RTEL1: variants seen among roughly 807,000 people sequenced by gnomAD.
RTEL1 encodes regulator of telomere length.
RTEL1 carries 86 observed loss-of-function variants against 162.2 expected under a neutral mutation model. That is an observed-to-expected ratio of 0.53 (90% confidence interval 0.45 to 0.63). RTEL1 has a LOEUF of 0.63. Among genes scored for constraint, RTEL1 ranks in the 30% least tolerant of loss-of-function variants. The pLI is 0.00. For missense variants in RTEL1, 1,941 were observed against 1,750.2 expected (o/e 1.11, Z -1.95); for synonymous variants, 958 against 717.9 (o/e 1.33, Z -5.35).
chr20:63,695,528 C>T lies in RTEL1; in HGVS notation c.3700C>T (p.Pro1234Ser), dbSNP rs1207345139. 4.3e-6 allele frequency: 7 copies of T among 1,612,278 alleles called. No homozygotes were observed. Among genetic ancestry groups the T allele is most frequent in the Non-Finnish European group, 5.9e-6 (7 of 1,179,818 alleles). Residue 1234 changes from proline (P) to serine (S), a missense_variant, in exon 34 of 35, where the codon CCG (proline) becomes TCG (serine). Pro to Ser is a moderately conservative substitution (Grantham distance 74). Transcript: ENST00000360203. ...CGCTGGGCAGCAGGCCACGGGAGCT[C>T]CGGGCGGGCCCCTCTCAGCAGGCTG... ...DIAGQQATGA[P>S]GGPLSAGCVC...
intron 8 of RTEL1, among the ~76,000 whole-genome samples, chr20:63,670,579 G>A (rs2146186564): frequency 6.6e-6 from 1 of 152,358 alleles, no homozygotes; most frequent in South Asian, 2.1e-4. Context: ...AGCCCTGAGT[G>A]TGGCATGAGG....
intron 28 of RTEL1, 124 bp from the exon 29 acceptor site, chr20:63,692,681 G>T: frequency 1.1e-6 from 1 of 938,130 alleles, no homozygotes; most frequent in South Asian, 1.6e-5. Flanking sequence ...AGTTTCTCAG[G>T]CAGCAGCCCC....
chr20:63,695,820 C>A lies in RTEL1; in HGVS notation c.3865C>A (p.Gln1289Lys). ...AGCCTGCCACACCGCCTCCAGGAAG[C>A]AGAGCGTCATGCAGGTCTTCTGGCC... is the stretch of plus-strand genomic sequence containing the variant. Reference protein sequence around the residue: ...CPACHTASRKQSVMQVFWPEP... With the variant: ...CPACHTASRKKSVMQVFWPEP... Residue 1289 changes from glutamine (Q) to lysine (K), a missense_variant, in exon 35 of 35, where the codon CAG (glutamine) becomes AAG (lysine). Coordinates refer to ENST00000360203, the MANE Select transcript of RTEL1 (RefSeq NM_001283009.2). 1 of 1,600,528 alleles carries A rather than the reference C, an allele frequency of 6.2e-7. No homozygotes were observed. The highest frequency in any genetic ancestry group is 8.5e-7 in the Non-Finnish European group (1 of 1,174,984).
intron 9 of RTEL1, among the ~76,000 whole-genome samples, chr20:63,672,898 G>T (rs1457470949): frequency 6.6e-6 from 1 of 152,210 alleles, no homozygotes; most frequent in Admixed American, 6.5e-5. Context: ...GCCAGCTCGG[G>T]GTCAGCCTGG....
intron 7 of RTEL1, among the ~76,000 whole-genome samples, chr20:63,666,537 C>T (rs2090131707): frequency 6.6e-6 from 1 of 152,180 alleles, no homozygotes; most frequent in African/African-American, 2.4e-5. Flanking sequence ...GGGGAAACCT[C>T]CCTCCCCCTT....
At position 63,695,114 on chromosome 20, in the gene RTEL1, C is replaced by G. The variant is rs372852392; in HGVS notation, c.3392C>G (p.Thr1131Arg). 8 of 1,612,402 alleles carry G rather than the reference C, an allele frequency of 5.0e-6. No individual in the cohort carries two copies. Among genetic ancestry groups the G allele is most frequent in the Non-Finnish European group, 6.8e-6 (8 of 1,179,870 alleles). The change falls in exon 33 of 35, where the codon ACG becomes AGG. Residue 1131 changes from threonine (T) to arginine (R), a missense_variant. By Grantham distance (71) the Thr-to-Arg change is moderately conservative. Coordinates refer to ENST00000360203, the MANE Select transcript of RTEL1 (RefSeq NM_001283009.2). ...CACCACAAGCAGCGCTTCTCACAGA[C>G]GTGCACAGACCTGACCGGCCGGCCC... Reference protein sequence around the residue: ...RPHHKQRFSQTCTDLTGRPYP... With the variant: ...RPHHKQRFSQRCTDLTGRPYP...
chr20:63,695,955 C>T lies in RTEL1; in HGVS notation c.*97C>T, dbSNP rs2090969924. On this transcript the variant is annotated 3_prime_UTR_variant, in exon 35 of 35. Coordinates refer to ENST00000360203, the MANE Select transcript of RTEL1 (RefSeq NM_001283009.2). ...ACCCACCCAACAGAATAGGCCAGCCCATGCCAGCCGGCTTGGCCCGCTGCA... is the reference window on the plus strand; with the variant it reads ...ACCCACCCAACAGAATAGGCCAGCCTATGCCAGCCGGCTTGGCCCGCTGCA... 3.1e-6 allele frequency: 4 copies of T among 1,272,046 alleles called. No homozygotes were observed. The highest frequency in any genetic ancestry group is 2.5e-5 in the East Asian group (1 of 39,340). The allele number at this position is 1,272,046 out of a possible 1,614,324, so 78.8% of individuals were successfully genotyped here. A position where few individuals can be genotyped will look rare whatever the true frequency, so the allele number is the denominator to read the frequency against.
intron 10 of RTEL1, among the ~76,000 whole-genome samples, chr20:63,675,523 T>C (rs1394209823): frequency 6.6e-6 from 1 of 152,038 alleles, no homozygotes; most frequent in Non-Finnish European, 1.5e-5. Flanking sequence ...TATATATACA[T>C]ATATTTAAGT....
At chr20:63,662,954 A>C in intron 6 of RTEL1, 65 bp downstream of exon 6, 6 of 1,496,584 alleles carry the variant, frequency 4.0e-6, no homozygotes, top group Non-Finnish European at 5.6e-6. Context: ...GGTGGAGCTC[A>C]GTGGTGTCAC....
intron 1 of RTEL1, 173 bp downstream of exon 1, chr20:63,658,639 G>C (rs1190800626): frequency 6.6e-6 from 1 of 152,338 alleles, no homozygotes; most frequent in Non-Finnish European, 1.5e-5. Context: ...CGTGGCGCTG[G>C]CGCCGCGGCG....
At chr20:63,666,300 G>A (rs2090125869) in intron 7 of RTEL1, among the ~76,000 whole-genome samples, 1 of 152,260 alleles carries the variant, frequency 6.6e-6, no homozygotes, top group South Asian at 2.1e-4. Context: ...TGGCCACCGT[G>A]GAGTGTGGAC....
At chr20:63,694,581 C>T in intron 31 of RTEL1, 93 bp downstream of exon 31, 1 of 1,261,450 alleles carries the variant, frequency 7.9e-7, no homozygotes, top group East Asian at 2.4e-5. Flanking sequence ...GGGGCTGCCC[C>T]TGTGGGGAGC....
chr20:63,675,081 A>G (rs560015884), intron 10 of RTEL1, among the ~76,000 whole-genome samples: 1 of 152,108 alleles, frequency 6.6e-6, no homozygotes, highest in East Asian at 1.9e-4. Context: ...CTAATTTTGT[A>G]TTTTTAGTAG....
In RTEL1 at chr20:63,685,599, T is replaced by G. The variant is rs1444392809; in HGVS notation, c.1266+2T>G. The G allele has an allele frequency of 1.2e-6, 2 of 1,610,228 alleles. No homozygotes were observed. Among genetic ancestry groups the G allele is most frequent in the Admixed American group, 3.4e-5 (2 of 59,618 alleles). ...CTGGGGGCCTTACAGTCCTATAAGG[T>G]AGGGGCCACCTCCAGGAGGCAGGTG... On this transcript the variant is annotated splice_donor_variant, in intron 15 of 34. Transcript: ENST00000360203. LOFTEE classifies it high-confidence loss of function.
intron 28 of RTEL1, chr20:63,692,419 C>T: frequency 3.2e-6 from 1 of 316,940 alleles, no homozygotes; most frequent in South Asian, 3.3e-5. Context: ...GAGATGGGCA[C>T]TGCTCATCCG....
Position 63,692,926 on chromosome 20 carries a change from C to T in RTEL1, c.2774C>T (p.Ser925Phe), listed in dbSNP as rs770018942. Residue 925 changes from serine to phenylalanine, a missense_variant, in exon 29 of 35, where the codon TCC becomes TTC. Transcript: ENST00000360203. The part of the protein sequence containing the change: ...FTQALQDYKG[S>F]DDFAALAACL... ...CAGGCCCTGCAGGACTACAAGGGTTCCGATGACTTCGCCGCCCTGGCCGCC... is the reference window on the plus strand; with the variant it reads ...CAGGCCCTGCAGGACTACAAGGGTTTCGATGACTTCGCCGCCCTGGCCGCC... The T allele has an allele frequency of 1.9e-6, 3 of 1,612,560 alleles. No homozygotes were observed. In the African/African-American group the frequency reaches 4.0e-5, roughly 22 times the overall value.
At chr20:63,667,442 C>T (rs760217808) in intron 7 of RTEL1, 27 bp from the exon 8 acceptor site, 2 of 1,590,070 alleles carry the variant, frequency 1.3e-6, no homozygotes, top group South Asian at 1.1e-5. Context: ...GGGGTGCTCA[C>T]AGGATCTTCT....
chr20:63,692,006 T>G, intron 28 of RTEL1, 169 bp downstream of exon 28: 1 of 579,242 alleles, frequency 1.7e-6, no homozygotes, highest in South Asian at 2.0e-5. Flanking sequence ...AGTGTGTGGT[T>G]TCTTCTGCAG....
chr20:63,680,743 TCTC>T, intron 14 of RTEL1, 24 bp downstream of exon 14: 1 of 1,613,036 alleles, frequency 6.2e-7, no homozygotes, highest in East Asian at 2.2e-5. Flanking sequence ...CTCTGTGGCA[TCTC>T]CTTCCCTGAT....
Sources: gnomAD v4.1 joint callset for allele counts (sites outside exome capture counted in the v4.1 genomes callset) on GRCh38, gnomAD v4.1.1 for gene constraint, MANE v1.5 for transcripts, NCBI Gene and HGNC (gene_info 2026-07-23, HGNC 2026-07-21) for gene names.